CNGA1: variants seen among roughly 807,000 people sequenced by gnomAD.
CNGA1 encodes the protein cyclic nucleotide-gated channel alpha-1.
In CNGA1, 53 loss-of-function variants were observed where a neutral mutation model predicts 69.7. The observed-to-expected ratio is 0.76, with a 90% CI of 0.61 to 0.96. The LOEUF (loss-of-function observed/expected upper bound fraction) is 0.96. CNGA1 is among the 40% of genes least tolerant of loss of function. CNGA1 has a pLI of 0.00. For synonymous variants in CNGA1, 249 were observed against 283.5 expected (o/e 0.88, Z 1.22); for missense variants, 739 against 811.2 (o/e 0.91, Z 1.08).
At chr4:48,007,731 T>A (rs535259224) in intron 2 of CNGA1, among the ~76,000 whole-genome samples, 1 of 152,188 alleles carries the variant, frequency 6.6e-6, no homozygotes, top group Non-Finnish European at 1.5e-5. Flanking sequence ...AATAATGGCA[T>A]AGGAATTATT....
chr4:47,971,392 G>T (rs1463016878), intron 3 of CNGA1, among the ~76,000 whole-genome samples: 1 of 151,680 alleles, frequency 6.6e-6, no homozygotes, highest in East Asian at 1.9e-4. Flanking sequence ...TATATATACT[G>T]ACCCCCCATT....
chr4:48,009,135 TA>T (rs1358988086), intron 2 of CNGA1, among the ~76,000 whole-genome samples: 4 of 152,344 alleles, frequency 2.6e-5, no homozygotes, highest in Non-Finnish European at 5.9e-5. Flanking sequence ...ACATTTCTAA[TA>T]TTACTTTATC....
intron 9 of CNGA1, among the ~76,000 whole-genome samples, chr4:47,941,500 T>C (rs560433810): frequency 2.0e-3 from 301 of 152,338 alleles, no homozygotes; most frequent in African/African-American, 7.0e-3. Context: ...CTTTTTCCAC[T>C]ATTGGCAACA....
chr4:47,980,459 T>C (rs1465297612), intron 3 of CNGA1, among the ~76,000 whole-genome samples: 2 of 94,004 alleles, frequency 2.1e-5, no homozygotes, highest in Non-Finnish European at 5.1e-5. Context: ...CAGTTTTTTA[T>C]TTTTCTTTCT....
chr4:47,964,242 T>C (rs1011348536), intron 3 of CNGA1, among the ~76,000 whole-genome samples: 3 of 152,166 alleles, frequency 2.0e-5, no homozygotes, highest in Non-Finnish European at 2.9e-5. Flanking sequence ...GAAGGGAGAA[T>C]ATGTGATTAT....
At chr4:47,973,476 AC>A (rs1275094579) in intron 3 of CNGA1, among the ~76,000 whole-genome samples, 1 of 152,188 alleles carries the variant, frequency 6.6e-6, no homozygotes, top group Admixed American at 6.5e-5. Context: ...ATTATTCAAC[AC>A]GTAGAAGGCT....
intron 2 of CNGA1, among the ~76,000 whole-genome samples, chr4:47,988,403 A>G (rs1305985216): frequency 6.6e-6 from 1 of 152,204 alleles, no homozygotes; most frequent in Non-Finnish European, 1.5e-5. Context: ...ATTGGAATGA[A>G]TGAATTAAAC....
At chr4:48,015,196 C>A (rs1560319286) in intron 1 of CNGA1, among the ~76,000 whole-genome samples, 1 of 151,994 alleles carries the variant, frequency 6.6e-6, no homozygotes, top group Non-Finnish European at 1.5e-5. Flanking sequence ...CCAAACCAAG[C>A]CAAACAAACA....
intron 2 of CNGA1, among the ~76,000 whole-genome samples, chr4:47,989,098 T>G (rs759316780): frequency 2.0e-5 from 3 of 152,184 alleles, no homozygotes; most frequent in Non-Finnish European, 4.4e-5. Flanking sequence ...TAGACAAACT[T>G]TGGTTAAAAT....
chr4:47,960,232 C>T (rs1261543738), intron 3 of CNGA1, among the ~76,000 whole-genome samples: 1 of 152,172 alleles, frequency 6.6e-6, no homozygotes, highest in Non-Finnish European at 1.5e-5. Flanking sequence ...ACACCTAGTA[C>T]AATGGCTAAA....
In CNGA1 at chr4:47,937,483, A is replaced by T. The variant is rs1388199692; in HGVS notation, c.999T>A (p.Ile333=). 1 of 1,614,116 alleles carries T rather than the reference A, an allele frequency of 6.2e-7. No individual in the cohort carries two copies. The highest frequency in any genetic ancestry group is 1.3e-5 in the African/African-American group (1 of 74,944). Residue 333 remains isoleucine, a synonymous_variant, in exon 11 of 11, where the codon ATT becomes ATA. Transcript: ENST00000514170. The part of the protein sequence containing the change: ...FGNDTWVYPD[I]NDPEFGRLAR... ...CCAAACGGCCAAATTCAGGATCATT[A>T]ATATCAGGGTAGACCCATGTATCAT...
chr4:47,951,593 T>C (rs1470864519), intron 4 of CNGA1, 124 bp from the exon 5 acceptor site: 2 of 713,100 alleles, frequency 2.8e-6, no homozygotes, highest in African/African-American at 1.7e-5. Context: ...CTAACACACA[T>C]AACAATTTTT....
intron 6 of CNGA1, among the ~76,000 whole-genome samples, chr4:47,945,570 T>A (rs979303117): frequency 1.3e-5 from 2 of 152,190 alleles, no homozygotes; most frequent in Admixed American, 6.5e-5. Flanking sequence ...CTGGTAATAA[T>A]AGATTCCTGG....
chr4:47,982,504 T>C (rs1292356772), intron 2 of CNGA1, among the ~76,000 whole-genome samples: 1 of 151,982 alleles, frequency 6.6e-6, no homozygotes, highest in African/African-American at 2.4e-5. Context: ...ATATTTCTAA[T>C]ATAAAACATG....
At chr4:47,962,568 G>A (rs1008744695) in intron 3 of CNGA1, among the ~76,000 whole-genome samples, 1 of 151,800 alleles carries the variant, frequency 6.6e-6, no homozygotes, top group Non-Finnish European at 1.5e-5. Flanking sequence ...TATTTCCTCA[G>A]GTTCTTACAG....
chr4:47,990,372 A>C (rs755087226), intron 2 of CNGA1, among the ~76,000 whole-genome samples: 1 of 152,098 alleles, frequency 6.6e-6, no homozygotes, highest in African/African-American at 2.4e-5. Flanking sequence ...TGCGGTTGAG[A>C]TAAGGGCTGA....
intron 2 of CNGA1, among the ~76,000 whole-genome samples, chr4:48,002,535 T>A: frequency 6.7e-6 from 1 of 150,136 alleles, no homozygotes; most frequent in Non-Finnish European, 1.5e-5. Flanking sequence ...AGGGAGGGGG[T>A]GGCCAGGTAA....
chr4:47,979,473 T>TACCA, intron 3 of CNGA1, among the ~76,000 whole-genome samples: 1 of 152,330 alleles, frequency 6.6e-6, no homozygotes, highest in South Asian at 2.1e-4. Context: ...GTAGCCCAGA[T>TACCA]ACCACATACT....
intron 9 of CNGA1, 87 bp downstream of exon 9, chr4:47,941,954 G>A: frequency 2.6e-6 from 2 of 777,296 alleles, no homozygotes; most frequent in Admixed American, 2.1e-5. Context: ...GTCCTAAAGG[G>A]CTCTAAGTCA....
Sources: allele counts gnomAD v4.1 joint callset (sites outside exome capture counted in the v4.1 genomes callset), GRCh38; gene constraint gnomAD v4.1.1; transcripts MANE v1.5; gene names NCBI Gene and HGNC (gene_info 2026-07-23, HGNC 2026-07-21).